ATXN1: variants seen among roughly 807,000 people sequenced by gnomAD.
The protein encoded by ATXN1 is ataxin-1.
Under a neutral mutation model 56.4 loss-of-function variants are expected in ATXN1, and 8 were observed. That is an observed-to-expected ratio of 0.14 (90% confidence interval 0.08 to 0.26). The LOEUF is 0.26. Ranked by LOEUF, ATXN1 falls within the 10% of genes least tolerant of loss-of-function variation. The pLI is 1.00. For synonymous variants in ATXN1, 514 were observed against 494.6 expected (o/e 1.04, Z -0.52); for missense variants, 987 against 1,106.5 (o/e 0.89, Z 1.53).
At position 16,328,241 on chromosome 6, in the gene ATXN1, G is replaced by A. The variant is rs1394208682; in HGVS notation, c.70C>T (p.Arg24Trp). Residue 24 changes from arginine to tryptophan, a missense_variant, in exon 7 of 8, where the codon CGG (arginine) becomes TGG (tryptophan). By Grantham distance (101) the Arg-to-Trp change is moderately radical. This residue lies in a region of ATXN1 where 723 missense variants were observed against 791.7 expected (regional missense o/e 0.91). Coordinates refer to ENST00000436367, the MANE Select transcript of ATXN1 (RefSeq NM_001128164.2). The surrounding 1 kb of genome is among the most constrained non-coding windows in gnomAD (Gnocchi z 6.2). ...PKKREIPATS[R>W]SSEEKAPTLP... ...GTAGGGGCCTTCTCCTCGGAGGACC[G>A]GCTGGTGGCGGGGATCTCGCGCTTC... 10 of 1,558,850 alleles carry A rather than the reference G, an allele frequency of 6.4e-6. No individual in the cohort carries two copies. The highest frequency in any genetic ancestry group is 1.2e-5 in the South Asian group (1 of 85,010).
intron 3 of ATXN1, among the ~76,000 whole-genome samples, chr6:16,635,760 C>A (rs1198012283): frequency 1.3e-5 from 2 of 152,196 alleles, no homozygotes; most frequent in African/African-American, 2.4e-5. Flanking sequence ...GGAAAATCCA[C>A]TGTAGCCAGA....
chr6:16,310,661 G>T (rs1760367819), intron 7 of ATXN1, among the ~76,000 whole-genome samples: 1 of 152,022 alleles, frequency 6.6e-6, no homozygotes, highest in East Asian at 1.9e-4. Context: ...GCTACTTTTT[G>T]TATTTTTAGT....
At chr6:16,539,644 G>A (rs997601753) in intron 4 of ATXN1, among the ~76,000 whole-genome samples, 1 of 152,096 alleles carries the variant, frequency 6.6e-6, no homozygotes, top group Non-Finnish European at 1.5e-5. Context: ...CTCTCACACC[G>A]ATTTACCTTT....
chr6:16,534,877 C>T (rs1761569216), intron 4 of ATXN1, among the ~76,000 whole-genome samples: 2 of 152,250 alleles, frequency 1.3e-5, no homozygotes, highest in South Asian at 2.1e-4. Flanking sequence ...TAGGCTAGGT[C>T]GCACCAGCCC....
intron 2 of ATXN1, chr6:16,753,025 A>C (rs1760770234): frequency 3.0e-6 from 1 of 329,196 alleles, no homozygotes; most frequent in Non-Finnish European, 6.0e-6. Flanking sequence ...ATGAACATAT[A>C]GATTAAACCA....
chr6:16,386,135 T>A (rs1758236556), intron 6 of ATXN1, among the ~76,000 whole-genome samples: 1 of 152,242 alleles, frequency 6.6e-6, no homozygotes, highest in South Asian at 2.1e-4. Flanking sequence ...AGGATCATTA[T>A]TATTTTTTCC....
At chr6:16,482,551 T>C (rs1760460579) in intron 6 of ATXN1, among the ~76,000 whole-genome samples, 1 of 152,190 alleles carries the variant, frequency 6.6e-6, no homozygotes, top group Non-Finnish European at 1.5e-5. Flanking sequence ...AGGAATGAAA[T>C]ATGGATCACT....
Position 16,586,298 on chromosome 6 carries a change from C to CTGAATT in ATXN1, c.-488-397_-488-392dup, listed in dbSNP as rs1406639350. On this transcript the variant is annotated intron_variant, in intron 3 of 7. Transcript: ENST00000436367. ...TTCATAGAAAATGTCAGAAACATTG[C>CTGAATT]TGAATTTGATGCTCTCTTTCTCTAA... is the stretch of plus-strand genomic sequence containing the variant. Among the ~76,000 whole-genome samples, 4 of 152,162 alleles carry CTGAATT rather than the reference C, an allele frequency of 2.6e-5. No individual in the cohort carries two copies. The East Asian group carries it at 7.7e-4, about 29-fold the overall frequency.
chr6:16,594,090 G>T lies in ATXN1; in HGVS notation c.-488-8183C>A, dbSNP rs569469533. 7.5e-4 allele frequency among the ~76,000 whole-genome samples: 112 copies of T among 148,826 alleles called. 2 individuals are homozygous for T. The South Asian group carries it at 0.022, about 30-fold the overall frequency. ...TTAGACTAATATATATTAGTCTACA[G>T]GGATAGAAGCTAATATATATTAGTC... On this transcript the variant is annotated intron_variant, in intron 3 of 7. Transcript: ENST00000436367.
intron 3 of ATXN1, among the ~76,000 whole-genome samples, chr6:16,602,582 G>C (rs1323960881): frequency 2.0e-5 from 3 of 151,974 alleles, no homozygotes; most frequent in African/African-American, 4.8e-5. Flanking sequence ...CTCCCAAGTA[G>C]CTGGGACTAC....
intron 4 of ATXN1, among the ~76,000 whole-genome samples, chr6:16,567,732 A>C (rs747950128): frequency 2.6e-5 from 4 of 151,906 alleles, no homozygotes; most frequent in Non-Finnish European, 4.4e-5. Flanking sequence ...TTTACTTTAC[A>C]ATCTAATGTC....
rs529681724 is a variant in ATXN1, at chr6:16,548,508, T to A, written c.-360-25820A>T. Among the ~76,000 whole-genome samples the A allele has an allele frequency of 3.9e-5, 6 of 152,382 alleles. No individual in the cohort carries two copies. In the East Asian group the frequency reaches 1.2e-3, roughly 29 times the overall value. ...ATTTAAAACTTTTCGACTCTTGTAA[T>A]AATACTTAGCTTAAAACATCATCCA... is the stretch of plus-strand genomic sequence containing the variant. On this transcript the variant is annotated intron_variant, in intron 4 of 7. Transcript: ENST00000436367.
chr6:16,607,727 A>G lies in ATXN1; in HGVS notation c.-488-21820T>C, dbSNP rs765652218. 1.2e-4 allele frequency among the ~76,000 whole-genome samples: 18 copies of G among 152,206 alleles called. 1 individual carries two copies. The highest frequency in any genetic ancestry group is 6.3e-3 in the Middle Eastern group (2 of 316). On this transcript the variant is annotated intron_variant, in intron 3 of 7. Coordinates refer to ENST00000436367, the MANE Select transcript of ATXN1 (RefSeq NM_001128164.2). The stretch of plus-strand genomic sequence containing the variant: ...ATACCTTGGGTCAAGCATATCCCCA[A>G]ATTCCTAAAGATGGCTCTTTGCTCA...
intron 6 of ATXN1, among the ~76,000 whole-genome samples, chr6:16,388,531 G>A (rs1312901700): frequency 1.3e-5 from 2 of 152,340 alleles, no homozygotes; most frequent in East Asian, 3.9e-4. Flanking sequence ...GTCAAATAAA[G>A]TGTATTAGAT....
intron 2 of ATXN1, among the ~76,000 whole-genome samples, chr6:16,688,019 C>T (rs1535602): frequency 0.2 from 30,796 of 152,116 alleles, 3,651 homozygotes; most frequent in Admixed American, 0.29. Context: ...TCACGGAGGG[C>T]CCTCCTGTGG....
intron 6 of ATXN1, among the ~76,000 whole-genome samples, chr6:16,374,488 A>G (rs1459323961): frequency 6.6e-6 from 1 of 152,202 alleles, no homozygotes; most frequent in Non-Finnish European, 1.5e-5. Context: ...ATTCATAATG[A>G]TAACCTGCAT....
intron 4 of ATXN1, among the ~76,000 whole-genome samples, chr6:16,570,299 C>T (rs1762309351): frequency 1.3e-5 from 2 of 152,186 alleles, no homozygotes; most frequent in South Asian, 4.1e-4. Flanking sequence ...CCTCTTATTC[C>T]TTCTAATCTA....
At chr6:16,493,711 C>T (rs111633671) in intron 5 of ATXN1, among the ~76,000 whole-genome samples, 3 of 152,108 alleles carry the variant, frequency 2.0e-5, no homozygotes, top group East Asian at 3.9e-4. Flanking sequence ...TTACATTATA[C>T]TTGAAGACGT....
intron 6 of ATXN1, among the ~76,000 whole-genome samples, chr6:16,465,294 T>C (rs1760081628): frequency 1.3e-5 from 2 of 152,030 alleles, no homozygotes; most frequent in Admixed American, 1.3e-4. Flanking sequence ...CCGTCTCTAC[T>C]AAAAATAGAA....
Sources: gnomAD v4.1 joint callset for allele counts (sites outside exome capture counted in the v4.1 genomes callset) on GRCh38, gnomAD v4.1.1 for gene constraint, gnomAD v4.1.1 regional missense constraint, Gnocchi (gnomAD v3.1) non-coding constraint, MANE v1.5 for transcripts, NCBI Gene and HGNC (gene_info 2026-07-23, HGNC 2026-07-21) for gene names.